MN1: variants seen among roughly 807,000 people sequenced by gnomAD.
MN1 encodes transcriptional activator MN1.
A neutral mutation model predicts 86.9 loss-of-function variants in MN1; 19 were observed. The ratio of observed to expected loss-of-function variants is 0.22; its 90% CI spans 0.15 to 0.32. MN1 has a LOEUF of 0.32. Among genes scored for constraint, MN1 ranks in the 10% least tolerant of loss-of-function variants. The pLI is 1.00. For synonymous variants in MN1, 928 were observed against 849.6 expected, an observed-to-expected ratio of 1.09 and a Z score of -1.60; for missense variants, 1,841 against 1,862.0, an observed-to-expected ratio of 0.99 and a Z score of 0.21.
chr22:27,798,822 G>C lies in MN1; in HGVS notation c.1722C>G (p.Asn574Lys). 6.5e-7 allele frequency: 1 copy of C among 1,537,936 alleles called. No homozygotes were observed. The highest frequency in any genetic ancestry group is 8.7e-7 in the Non-Finnish European group (1 of 1,146,490). Residue 574 changes from asparagine (N) to lysine (K), a missense_variant, in exon 1 of 2, where the codon AAC becomes AAG. Asn to Lys is a moderately conservative substitution (Grantham distance 94). Coordinates refer to ENST00000302326, the MANE Select transcript of MN1 (RefSeq NM_002430.3). ...RNQQQRLRQP[N>K]LAQLGHPGDV... ...CCCCGGGGTGGCCTAGCTGAGCCAG[G>C]TTGGGCTGGCGCAGCCGCTGCTGCT...
rs769120831 is a variant in MN1, at chr22:27,797,884, G to A, written c.2660C>T (p.Ala887Val). ...CCCGGACGGGCCTCCGGGTCCTGGG[G>A]CCCCAGGAGCAGTCCCTCCTGGGAA... ...DYFPGGTAPGAPGPGGPSGTS... is the reference protein window; with the variant it reads ...DYFPGGTAPGVPGPGGPSGTS... Residue 887 changes from alanine to valine, a missense_variant, in exon 1 of 2, where the codon GCC becomes GTC. Coordinates refer to ENST00000302326, the MANE Select transcript of MN1 (RefSeq NM_002430.3). 35 of 1,593,976 alleles carry A rather than the reference G, an allele frequency of 2.2e-5. No individual in the cohort carries two copies. Among genetic ancestry groups the A allele is most frequent in the South Asian group, 1.1e-5 (1 of 89,460 alleles).
chr22:27,757,727 G>A (rs1344728435), intron 1 of MN1, among the ~76,000 whole-genome samples: 2 of 152,098 alleles, frequency 1.3e-5, no homozygotes, highest in African/African-American at 4.8e-5. Flanking sequence ...GGGCCACAGG[G>A]CTGAGCCACC....
intron 1 of MN1, among the ~76,000 whole-genome samples, chr22:27,753,537 C>T (rs1453108614): frequency 2.6e-5 from 4 of 152,106 alleles, no homozygotes; most frequent in Non-Finnish European, 4.4e-5. Flanking sequence ...CTTAGAATCC[C>T]CTAAAGCCCC....
rs530930402 is a variant in MN1, at chr22:27,788,222, C to T, written c.3781+8541G>A. On this transcript the variant is annotated intron_variant, in intron 1 of 1. Coordinates refer to ENST00000302326, the MANE Select transcript of MN1 (RefSeq NM_002430.3). The stretch of plus-strand genomic sequence containing the variant: ...GCCATGCCCCTATCCTGAGAAAATA[C>T]GCCGCACCCCAATTTCCATCTAGTC... 5.9e-5 allele frequency among the ~76,000 whole-genome samples: 9 copies of T among 152,280 alleles called. No individual in the cohort carries two copies. In the South Asian group the frequency reaches 8.3e-4, roughly 14 times the overall value.
At chr22:27,753,485 T>G (rs1932782456) in intron 1 of MN1, among the ~76,000 whole-genome samples, 1 of 152,156 alleles carries the variant, frequency 6.6e-6, no homozygotes. Context: ...GGACTGTCAT[T>G]CATATCTGGG....
rs909283714 is a variant in MN1, at chr22:27,797,900, C to T, written c.2644G>A (p.Gly882Arg). ...GGTCCTGGGGCCCCAGGAGCAGTCC[C>T]TCCTGGGAAGTAATCCGAGCCCGGG... ...GNPGSDYFPGGTAPGAPGPGG... is the reference protein window; with the variant it reads ...GNPGSDYFPGRTAPGAPGPGG... The change falls in exon 1 of 2, where the codon GGG becomes AGG. Residue 882 changes from glycine (G) to arginine (R), a missense_variant. By Grantham distance (125) the Gly-to-Arg change is moderately radical (BLOSUM62 -2). Transcript: ENST00000302326. 1.2e-6 allele frequency: 2 copies of T among 1,601,466 alleles called. No homozygotes were observed. The highest frequency in any genetic ancestry group is 2.7e-5 in the African/African-American group (2 of 74,552).
intron 1 of MN1, among the ~76,000 whole-genome samples, chr22:27,764,059 G>C (rs111719185): frequency 0.045 from 6,861 of 152,256 alleles, 521 homozygotes; most frequent in African/African-American, 0.16. Flanking sequence ...GGAAGAGGAG[G>C]CTGCAAAATT....
rs1288951559 is a variant in MN1, at chr22:27,750,674, A to G, written c.*241T>C. 26 of 386,102 alleles carry G rather than the reference A, an allele frequency of 6.7e-5. No individual in the cohort carries two copies. Among genetic ancestry groups the G allele is most frequent in the Non-Finnish European group, 1.2e-4 (26 of 216,002 alleles). The allele number at this position is 386,102 out of a possible 1,614,324, so 23.9% of individuals were successfully genotyped here. On this transcript the variant is annotated 3_prime_UTR_variant, in exon 2 of 2. Coordinates refer to ENST00000302326, the MANE Select transcript of MN1 (RefSeq NM_002430.3). ...TAACTGCAGAAGGGTTAACACTGGT[A>G]ACATACTGTGGCAGACAAGTTTCTT...
intron 1 of MN1, among the ~76,000 whole-genome samples, chr22:27,778,723 G>A (rs1336813070): frequency 2.6e-5 from 4 of 152,186 alleles, no homozygotes; most frequent in South Asian, 2.1e-4. Context: ...GGTCTGGGAC[G>A]TAAAATCTGA....
chr22:27,753,618 A>G (rs1015332278), intron 1 of MN1, among the ~76,000 whole-genome samples: 5 of 152,216 alleles, frequency 3.3e-5, no homozygotes, highest in Non-Finnish European at 5.9e-5. Flanking sequence ...CCCATTTCAC[A>G]GAAGGAGAAA....
chr22:27,756,786 C>T (rs980978513), intron 1 of MN1, among the ~76,000 whole-genome samples: 10 of 152,170 alleles, frequency 6.6e-5, no homozygotes, highest in African/African-American at 2.2e-4. Flanking sequence ...GATAGAGTCT[C>T]GCTCTGTCAT....
chr22:27,796,592 G>A (rs1016585659), intron 1 of MN1, among the ~76,000 whole-genome samples, 171 bp downstream of exon 1: 1 of 152,004 alleles, frequency 6.6e-6, no homozygotes, highest in African/African-American at 2.4e-5. Flanking sequence ...GGGGGGGTCT[G>A]TCCTCACAGC....
rs201376459 is a variant in MN1 at position 27,797,603 on chromosome 22, C to T, written c.2941G>A (p.Ala981Thr). ...CTTCCCCCGACGGCTGCGCCTGACGCTTGCTGCTGCCCTGGGCTCACCCCA... is the reference window on the plus strand; with the variant it reads ...CTTCCCCCGACGGCTGCGCCTGACGTTTGCTGCTGCCCTGGGCTCACCCCA... ...APGVSPGQQQ[A>T]SGAAVGGSSA... Residue 981 changes from alanine to threonine, a missense_variant, in exon 1 of 2, where the codon GCG becomes ACG. Ala to Thr is a moderately conservative substitution (Grantham distance 58). Coordinates refer to ENST00000302326, the MANE Select transcript of MN1 (RefSeq NM_002430.3). 2 of 1,594,104 alleles carry T rather than the reference C, an allele frequency of 1.3e-6. No individual in the cohort carries two copies. Among genetic ancestry groups the T allele is most frequent in the African/African-American group, 1.3e-5 (1 of 74,434 alleles).
rs542091309 is a variant in MN1 at position 27,791,117 on chromosome 22, A to C, written c.3781+5646T>G. On this transcript the variant is annotated intron_variant, in intron 1 of 1. Coordinates refer to ENST00000302326, the MANE Select transcript of MN1 (RefSeq NM_002430.3). ...TATATGCGGATGCTGGGATGGGGCGAGGGGGAGAGAGGGGGGCTTCTTCAC... is the reference window on the plus strand; with the variant it reads ...TATATGCGGATGCTGGGATGGGGCGCGGGGGAGAGAGGGGGGCTTCTTCAC... Among the ~76,000 whole-genome samples the C allele has an allele frequency of 1.2e-4, 19 of 152,028 alleles. 2 individuals are homozygous for C. Among genetic ancestry groups the C allele is most frequent in the African/African-American group, 4.3e-4 (18 of 41,482 alleles).
chr22:27,788,972 T>G (rs555963420), intron 1 of MN1, among the ~76,000 whole-genome samples: 1 of 152,328 alleles, frequency 6.6e-6, no homozygotes, highest in Non-Finnish European at 1.5e-5. Flanking sequence ...ACTCTTTAAA[T>G]TCTTCTCAGC....
At chr22:27,788,180 GC>G (rs1437580754) in intron 1 of MN1, among the ~76,000 whole-genome samples, 7 of 152,106 alleles carry the variant, frequency 4.6e-5, no homozygotes, top group Non-Finnish European at 1.0e-4. Context: ...ATTTCTCCCT[GC>G]CCCATCCGTC....
chr22:27,799,452 T>TGGCGGC lies in MN1; in HGVS notation c.1086_1091dup (p.Pro364_Pro365dup), dbSNP rs1030338276. ...AATTTTGTCGGACTAGAAGCCCGGG[T>TGGCGGC]GGCGGCGGCGGCTGCTGCTGTGGCG... On this transcript the variant is annotated inframe_insertion, in exon 1 of 2. Coordinates refer to ENST00000302326, the MANE Select transcript of MN1 (RefSeq NM_002430.3). 40 of 1,452,842 alleles carry TGGCGGC rather than the reference T, an allele frequency of 2.8e-5. No homozygotes were observed. Among genetic ancestry groups the TGGCGGC allele is most frequent in the Non-Finnish European group, 3.5e-5 (39 of 1,105,450 alleles). The allele number at this position is 1,452,842 out of a possible 1,614,324, so 90.0% of individuals were successfully genotyped here. A position where few individuals can be genotyped will look rare whatever the true frequency, so the allele number is the denominator to read the frequency against.
intron 1 of MN1, among the ~76,000 whole-genome samples, chr22:27,762,282 G>A (rs951637723): frequency 5.3e-5 from 8 of 152,090 alleles, no homozygotes; most frequent in Admixed American, 1.3e-4. Context: ...AGCACAGCCC[G>A]TCGGTTCTGA....
intron 1 of MN1, among the ~76,000 whole-genome samples, chr22:27,760,943 T>C (rs1490567123): frequency 6.6e-6 from 1 of 152,154 alleles, no homozygotes; most frequent in Non-Finnish European, 1.5e-5. Flanking sequence ...GAGGGAGAGA[T>C]GGCCCGACAC....
Sources: allele counts gnomAD v4.1 joint callset (sites outside exome capture counted in the v4.1 genomes callset), GRCh38; gene constraint gnomAD v4.1.1; transcripts MANE v1.5; gene names NCBI Gene and HGNC (gene_info 2026-07-23, HGNC 2026-07-21).